Variants in PIEZO1 observed in about 807,000 individuals in gnomAD.
The protein encoded by PIEZO1 is piezo type mechanosensitive ion channel component 1 (Er blood group), also known as piezo-type mechanosensitive ion channel component 1.
In PIEZO1, 296 loss-of-function variants were observed where a neutral mutation model predicts 297.2. That is an observed-to-expected ratio of 1.00 (90% CI 0.91 to 1.10). The LOEUF (loss-of-function observed/expected upper bound fraction) is 1.10, where lower values mean the gene tolerates loss of function less well. Among genes scored for constraint, PIEZO1 ranks in the 50% least tolerant of loss-of-function variants. PIEZO1 has a pLI of 0.00. For missense variants in PIEZO1, 5,018 were observed against 3,455.5 expected, an observed-to-expected ratio of 1.45 and a Z score of -11.34; for synonymous variants, 2,427 against 1,507.5, an observed-to-expected ratio of 1.61 and a Z score of -14.13.
At chr16:88,738,874 C>G (rs57044148) in intron 5 of PIEZO1, 138 bp from the exon 6 acceptor site, 3 of 729,712 alleles carry the variant, frequency 4.1e-6, no homozygotes, top group Non-Finnish European at 6.7e-6. Context: ...ACAGCCTCCC[C>G]GGGCACAGGC....
At chr16:88,762,253 G>C (rs1323015506) in intron 1 of PIEZO1, among the ~76,000 whole-genome samples, 1 of 152,112 alleles carries the variant, frequency 6.6e-6, no homozygotes, top group East Asian at 1.9e-4. Flanking sequence ...CTGAAGAAAG[G>C]GCCCCCGCTG....
intron 2 of PIEZO1, among the ~76,000 whole-genome samples, chr16:88,746,695 G>A (rs956717056): frequency 3.9e-5 from 6 of 152,198 alleles, no homozygotes; most frequent in African/African-American, 7.2e-5. Flanking sequence ...CGTCTCTGAA[G>A]GGCCTCTGAC....
In PIEZO1 at chr16:88,716,473, T is replaced by G; in HGVS notation, c.6937A>C (p.Lys2313Gln). The part of the protein sequence containing the change: ...FTWNFQRDLA[K>Q]GGTVEYANEK... ...TTGGCATACTCCACAGTGCCTCCCTTCGCCAGGTCCCTGGGGGTGGGAACA... is the reference window on the plus strand; with the variant it reads ...TTGGCATACTCCACAGTGCCTCCCTGCGCCAGGTCCCTGGGGGTGGGAACA... The change falls in exon 48 of 51, where the codon AAG becomes CAG. Residue 2313 changes from lysine to glutamine, a missense_variant. Transcript: ENST00000301015. The G allele has an allele frequency of 6.5e-7, 1 of 1,547,724 alleles. No homozygotes were observed. Among genetic ancestry groups the G allele is most frequent in the Non-Finnish European group, 8.7e-7 (1 of 1,145,410 alleles).
At position 88,726,613 on chromosome 16, in the gene PIEZO1, G is replaced by A; in HGVS notation, c.3730C>T (p.Gln1244Ter). Residue 1244 changes from glutamine (Q) to a stop codon, truncating the protein, a stop_gained, in exon 26 of 51, where the codon CAG (glutamine) becomes TAG (stop). Transcript: ENST00000301015. LOFTEE classifies it high-confidence loss of function. ...LLACVFVEQM[Q>*]TGFCWVIQLF... ...TGGATGACCCAGCAGAAGCCGGTCT[G>A]CATCTGCTCCACGAAGACGCAGGCC... 1 of 1,466,600 alleles carries A rather than the reference G, an allele frequency of 6.8e-7. No individual in the cohort carries two copies. Among genetic ancestry groups the A allele is most frequent in the Non-Finnish European group, 9.2e-7 (1 of 1,087,722 alleles). The allele number at this position is 1,466,600 out of a possible 1,614,324, so 90.8% of individuals were successfully genotyped here.
At chr16:88,773,686 T>C (rs1054482992) in intron 1 of PIEZO1, among the ~76,000 whole-genome samples, 161 of 149,320 alleles carry the variant, frequency 1.1e-3, no homozygotes, top group African/African-American at 3.9e-3. Flanking sequence ...GCCTACTGGG[T>C]GACAGGCAGG....
At chr16:88,726,519 C>T (rs1319007580) in intron 26 of PIEZO1, 28 bp downstream of exon 26, 1 of 1,546,414 alleles carries the variant, frequency 6.5e-7, no homozygotes, top group African/African-American at 1.4e-5. Flanking sequence ...TCCCCACGCC[C>T]TCCCCCGCCA....
At chr16:88,739,379 C>T (rs1029130802) in intron 5 of PIEZO1, 8 of 152,312 alleles carry the variant, frequency 5.3e-5, no homozygotes, top group African/African-American at 1.9e-4. Context: ...TTCCCAAACA[C>T]CAGGGAAAGC....
In PIEZO1 at chr16:88,733,363, A is replaced by C; in HGVS notation, c.2579T>G (p.Val860Gly). The change falls in exon 19 of 51, where the codon GTG becomes GGG. Residue 860 changes from valine to glycine, a missense_variant. By Grantham distance (109) the Val-to-Gly change is moderately radical. Transcript: ENST00000301015. ...FRPMASCLST[V>G]WTCVIIVCKM... ...ACACACGATGATGACGCAGGTCCAC[A>C]CGGTGGACAGGCAGGAGGCCATGGG... The C allele has an allele frequency of 6.5e-7, 1 of 1,549,946 alleles. No homozygotes were observed. Among genetic ancestry groups the C allele is most frequent in the South Asian group, 1.2e-5 (1 of 84,058 alleles).
At chr16:88,778,869 G>T (rs1004863816) in intron 1 of PIEZO1, among the ~76,000 whole-genome samples, 1 of 152,184 alleles carries the variant, frequency 6.6e-6, no homozygotes, top group Non-Finnish European at 1.5e-5. Flanking sequence ...CAAGGCTGTG[G>T]CCCAGGGAAG....
At position 88,721,146 on chromosome 16, in the gene PIEZO1, G is replaced by T. The variant is rs1243787196; in HGVS notation, c.5668+20C>A. 2 of 1,469,670 alleles carry T rather than the reference G, an allele frequency of 1.4e-6. No homozygotes were observed. Among genetic ancestry groups the T allele is most frequent in the Non-Finnish European group, 1.8e-6 (2 of 1,110,982 alleles). 91.0% of individuals were successfully genotyped at this position (1,469,670 alleles called of 1,614,324 possible). ...CAGAAAACTGGGTAGGCAGGAGGTT[G>T]TGAGGCAGGGCGCTTATACCGATGG... On this transcript the variant is annotated intron_variant, in intron 39 of 50. Coordinates refer to ENST00000301015, the MANE Select transcript of PIEZO1 (RefSeq NM_001142864.4).
chr16:88,758,129 T>A (rs545797530), intron 1 of PIEZO1, among the ~76,000 whole-genome samples: 1 of 152,168 alleles, frequency 6.6e-6, no homozygotes, highest in East Asian at 1.9e-4. Context: ...TCCCACTATT[T>A]CAAGCATGGG....
At position 88,722,207 on chromosome 16, in the gene PIEZO1, C is replaced by T. The variant is rs760315620; in HGVS notation, c.4955+11G>A. ...ATGGTGAGGCTGGTGTTGTGCGCGTCCCGCCCCCACCTGTCCAGGAGCAGC... is the reference window on the plus strand; with the variant it reads ...ATGGTGAGGCTGGTGTTGTGCGCGTTCCGCCCCCACCTGTCCAGGAGCAGC... On this transcript the variant is annotated intron_variant, in intron 36 of 50. Transcript: ENST00000301015. 7 of 1,543,572 alleles carry T rather than the reference C, an allele frequency of 4.5e-6. No individual in the cohort carries two copies. The South Asian group carries it at 7.2e-5, about 16-fold the overall frequency.
intron 2 of PIEZO1, chr16:88,743,322 G>C (rs777168099): frequency 1.3e-5 from 6 of 455,924 alleles, no homozygotes; most frequent in African/African-American, 4.0e-5. Context: ...CGGGTTCTGA[G>C]TCCTGACAGG....
intron 1 of PIEZO1, among the ~76,000 whole-genome samples, chr16:88,768,081 G>A (rs1472057890): frequency 6.6e-6 from 1 of 152,174 alleles, no homozygotes; most frequent in African/African-American, 2.4e-5. Flanking sequence ...AGCCCCCAAA[G>A]CCATGTGCCA....
In PIEZO1 at chr16:88,724,306, G is replaced by A. The variant is rs189674585; in HGVS notation, c.4235-335C>T. Among the ~76,000 whole-genome samples, 146 of 152,344 alleles carry A rather than the reference G, an allele frequency of 9.6e-4. No individual in the cohort carries two copies. The East Asian group carries it at 0.022, about 23-fold the overall frequency. On this transcript the variant is annotated intron_variant, in intron 30 of 50. Coordinates refer to ENST00000301015, the MANE Select transcript of PIEZO1 (RefSeq NM_001142864.4). ...AGCACTGTGGGAGGCTGAGGCGGGC[G>A]GATCACCTGAAGTCAGAGGTTCGAG... is the stretch of plus-strand genomic sequence containing the variant.
chr16:88,724,313 C>T (rs1322015783), intron 30 of PIEZO1, among the ~76,000 whole-genome samples: 3 of 152,010 alleles, frequency 2.0e-5, no homozygotes, highest in African/African-American at 7.3e-5. Flanking sequence ...GGCGGATCAC[C>T]TGAAGTCAGA....
At chr16:88,726,672 GC>G in intron 25 of PIEZO1, 29 bp from the exon 26 acceptor site, 1 of 1,546,508 alleles carries the variant, frequency 6.5e-7, no homozygotes, top group Non-Finnish European at 8.7e-7. Context: ...AGCGGGGCCA[GC>G]GGGGCCCCAG....
At chr16:88,770,766 T>C (rs1468087648) in intron 1 of PIEZO1, among the ~76,000 whole-genome samples, 3 of 152,272 alleles carry the variant, frequency 2.0e-5, no homozygotes, top group South Asian at 4.1e-4. Context: ...AGCAGTCAGG[T>C]CCGGGCCAGG....
In PIEZO1 at chr16:88,738,874, C is replaced by T. The variant is rs57044148; in HGVS notation, c.466-138G>A. 0.014 allele frequency: 10,569 copies of T among 729,800 alleles called. 799 individuals carry two copies. In the African/African-American group the frequency reaches 0.17, roughly 12 times the overall value. 45.2% of individuals were successfully genotyped at this position (729,800 alleles called of 1,614,324 possible). A position where few individuals can be genotyped will look rare whatever the true frequency, so the allele number is the denominator to read the frequency against. ...TCTGAGGGCCACAGGACAGCCTCCC[C>T]GGGCACAGGCCCCAGCCGTCCCTGA... On this transcript the variant is annotated intron_variant, in intron 5 of 50. Transcript: ENST00000301015.
Sources: allele counts gnomAD v4.1 joint callset (sites outside exome capture counted in the v4.1 genomes callset), GRCh38; gene constraint gnomAD v4.1.1; transcripts MANE v1.5; gene names NCBI Gene and HGNC (gene_info 2026-07-23, HGNC 2026-07-21).